CDH18: variants seen among roughly 807,000 people sequenced by gnomAD.
CDH18 encodes cadherin-18.
In CDH18, 31 loss-of-function variants were observed where a neutral mutation model predicts 67.9. The ratio of observed to expected loss-of-function variants is 0.46; its 90% CI spans 0.34 to 0.62. CDH18 has a LOEUF of 0.62. Among genes scored for constraint, CDH18 ranks in the 20% least tolerant of loss-of-function variants. The pLI, the probability that CDH18 is intolerant of heterozygous loss-of-function variation, is 0.01. For synonymous variants in CDH18, 362 were observed against 347.2 expected, an observed-to-expected ratio of 1.04 and a Z score of -0.48; for missense variants, 890 against 975.5, an observed-to-expected ratio of 0.91 and a Z score of 1.17.
At chr5:19,634,357 T>A (rs1752811872) in intron 5 of CDH18, among the ~76,000 whole-genome samples, 1 of 152,108 alleles carries the variant, frequency 6.6e-6, no homozygotes, top group South Asian at 2.1e-4. Context: ...AGTGATAGGG[T>A]CCAAATCCTC....
At chr5:19,786,030 G>A (rs559562940) in intron 3 of CDH18, among the ~76,000 whole-genome samples, 1 of 151,956 alleles carries the variant, frequency 6.6e-6, no homozygotes, top group Non-Finnish European at 1.5e-5. Flanking sequence ...ACAGTAACGA[G>A]ACATATTTCT....
intron 1 of CDH18, among the ~76,000 whole-genome samples, chr5:20,549,632 C>T (rs1757526993): frequency 6.6e-6 from 1 of 152,084 alleles, no homozygotes; most frequent in East Asian, 1.9e-4. Flanking sequence ...AAGATTAACT[C>T]TGTTCTTTGA....
chr5:19,512,858 G>C lies in CDH18; in HGVS notation c.1512+7799C>G, dbSNP rs72743577. On this transcript the variant is annotated intron_variant, in intron 10 of 12. Coordinates refer to ENST00000382275, the MANE Select transcript of CDH18 (RefSeq NM_004934.5). Reference sequence around the variant, plus strand: ...TATATCTATGATCGTGCAGAGAATAGCTATAATTCCACTTATACCTTTTGA... The same window carrying C: ...TATATCTATGATCGTGCAGAGAATACCTATAATTCCACTTATACCTTTTGA... Among the ~76,000 whole-genome samples, 677 of 152,004 alleles carry C rather than the reference G, an allele frequency of 4.5e-3. 2 individuals carry two copies. Among genetic ancestry groups the C allele is most frequent in the Non-Finnish European group, 7.8e-3 (530 of 67,972 alleles).
At chr5:19,489,250 C>CTTTTT (rs1237810466) in intron 11 of CDH18, among the ~76,000 whole-genome samples, 1 of 128,130 alleles carries the variant, frequency 7.8e-6, no homozygotes, top group African/African-American at 2.9e-5. Context: ...TTTTTTTTTT[C>CTTTTT]TTTTTTTTTT....
At chr5:20,554,138 G>T (rs147304663) in intron 1 of CDH18, among the ~76,000 whole-genome samples, 160 of 152,246 alleles carry the variant, frequency 1.1e-3, no homozygotes, top group African/African-American at 3.6e-3. Flanking sequence ...TCTGTAAAGT[G>T]CTAGATATCT....
At chr5:19,837,017 C>T (rs890477479) in intron 3 of CDH18, among the ~76,000 whole-genome samples, 24 of 152,058 alleles carry the variant, frequency 1.6e-4, no homozygotes, top group African/African-American at 5.6e-4. Context: ...CCCAAATGCC[C>T]ATCAATGATA....
chr5:19,629,409 A>G (rs1242322991), intron 5 of CDH18, among the ~76,000 whole-genome samples: 1 of 152,168 alleles, frequency 6.6e-6, no homozygotes, highest in East Asian at 1.9e-4. Context: ...CAAGACAATA[A>G]TGATAACTAT....
chr5:20,077,226 C>T (rs576754029), intron 2 of CDH18, among the ~76,000 whole-genome samples: 1 of 151,672 alleles, frequency 6.6e-6, no homozygotes, highest in South Asian at 2.1e-4. Context: ...GTAAAAGACT[C>T]CTTTACAAAG....
At chr5:20,070,530 T>C (rs1261617562) in intron 2 of CDH18, among the ~76,000 whole-genome samples, 1 of 152,036 alleles carries the variant, frequency 6.6e-6, no homozygotes, top group East Asian at 1.9e-4. Context: ...GGAAAATAAA[T>C]TGAAAGAATG....
intron 2 of CDH18, among the ~76,000 whole-genome samples, chr5:20,069,405 A>ATTTT (rs1554086492): frequency 4.0e-5 from 2 of 50,108 alleles, no homozygotes; most frequent in Non-Finnish European, 1.0e-4. Flanking sequence ...TTTTTTTATT[A>ATTTT]TTTTTATTTA....
intron 3 of CDH18, among the ~76,000 whole-genome samples, chr5:19,752,695 G>A (rs992587280): frequency 1.3e-5 from 2 of 152,112 alleles, no homozygotes; most frequent in African/African-American, 4.8e-5. Flanking sequence ...TCTCTGGAAA[G>A]CACCACCTCC....
intron 1 of CDH18, among the ~76,000 whole-genome samples, chr5:20,339,766 C>T (rs551703342): frequency 3.9e-5 from 6 of 152,244 alleles, no homozygotes; most frequent in South Asian, 4.1e-4. Flanking sequence ...CTTGGTACTC[C>T]GGATAATGCT....
chr5:20,572,730 A>G (rs2126675616), intron 1 of CDH18, among the ~76,000 whole-genome samples: 1 of 152,312 alleles, frequency 6.6e-6, no homozygotes, highest in Non-Finnish European at 1.5e-5. Flanking sequence ...TCAGATATCT[A>G]TAAAAACAGA....
intron 2 of CDH18, among the ~76,000 whole-genome samples, chr5:20,204,443 A>G (rs1269194240): frequency 6.6e-6 from 1 of 152,032 alleles, no homozygotes; most frequent in Non-Finnish European, 1.5e-5. Context: ...TTCCCAAACA[A>G]TACCTGAGAG....
chr5:19,572,379 A>G (rs1411928976), intron 7 of CDH18, among the ~76,000 whole-genome samples: 1 of 152,162 alleles, frequency 6.6e-6, no homozygotes, highest in Non-Finnish European at 1.5e-5. Context: ...TTTCATTTCT[A>G]TTTATGCCAC....
rs545139918 is a variant in CDH18, at chr5:19,964,716, C to T, written c.-257+16344G>A. Among the ~76,000 whole-genome samples, 148 of 146,624 alleles carry T rather than the reference C, an allele frequency of 1.0e-3. 1 individual carries two copies. The highest frequency in any genetic ancestry group is 1.7e-3 in the Non-Finnish European group (117 of 67,494). ...GTAAATTCTGAGGTATAATATGGAA[C>T]TATGTATTTAGAACCTGAAAAAATT... On this transcript the variant is annotated intron_variant, in intron 2 of 12. Transcript: ENST00000382275.
At chr5:20,009,314 C>CA (rs2150412668) in intron 2 of CDH18, among the ~76,000 whole-genome samples, 1 of 152,130 alleles carries the variant, frequency 6.6e-6, no homozygotes, top group East Asian at 1.9e-4. Flanking sequence ...ATTTTGCTGG[C>CA]AGATACATAA....
chr5:20,566,428 C>T (rs1352441263), intron 1 of CDH18, among the ~76,000 whole-genome samples: 2 of 143,060 alleles, frequency 1.4e-5, no homozygotes, highest in African/African-American at 2.6e-5. Flanking sequence ...GGTGCGATCT[C>T]GGCTCACTGC....
chr5:20,328,508 T>TGTGTGTGAGAGAGAGAGAGAGA (rs1491143591), intron 1 of CDH18, among the ~76,000 whole-genome samples: 3 of 112,012 alleles, frequency 2.7e-5, no homozygotes, highest in African/African-American at 8.6e-5. Context: ...TGTGTGTGTG[T>TGTGTGTGAGAGAGAGAGAGAGA]GAGAGAGAGA....
Sources: allele counts gnomAD v4.1 joint callset (sites outside exome capture counted in the v4.1 genomes callset), GRCh38; gene constraint gnomAD v4.1.1; transcripts MANE v1.5; gene names NCBI Gene and HGNC (gene_info 2026-07-23, HGNC 2026-07-21).